Variants in POLD3 observed in about 807,000 individuals in gnomAD.
POLD3 encodes DNA polymerase delta subunit 3.
Under a neutral mutation model 58.2 loss-of-function variants are expected in POLD3, and 19 were observed. That is an observed-to-expected ratio of 0.33 (90% confidence interval 0.23 to 0.48). The LOEUF is 0.48. POLD3 is among the 20% of genes least tolerant of loss of function. The pLI is 0.99. For synonymous variants in POLD3, 172 were observed against 193.5 expected (o/e 0.89, Z 0.92); for missense variants, 504 against 545.5 (o/e 0.92, Z 0.76).
downstream of POLD3, among the ~76,000 whole-genome samples, chr11:74,644,768 T>C (rs1232736281): frequency 6.6e-6 from 1 of 152,254 alleles, no homozygotes; most frequent in Non-Finnish European, 1.5e-5. Flanking sequence ...TCCATGTTTC[T>C]TGAGGTTTCA....
chr11:74,627,018 G>A (rs987449649), intron 8 of POLD3, among the ~76,000 whole-genome samples: 11 of 152,104 alleles, frequency 7.2e-5, no homozygotes, highest in African/African-American at 2.7e-4. Flanking sequence ...TATAATTACT[G>A]CACTATACTT....
rs118079301 is a variant in POLD3 at position 74,624,309 on chromosome 11, A to G, written c.734-1099A>G. Among the ~76,000 whole-genome samples, 423 of 152,318 alleles carry G rather than the reference A, an allele frequency of 2.8e-3. 1 individual carries two copies. The highest frequency in any genetic ancestry group is 8.3e-3 in the South Asian group (40 of 4,822). Reference sequence around the variant, plus strand: ...ACAGTTGAAAATGCAAGAGTATGCCATCGTTGGGAAGGTGGATTCCACCAT... The same window carrying G: ...ACAGTTGAAAATGCAAGAGTATGCCGTCGTTGGGAAGGTGGATTCCACCAT... On this transcript the variant is annotated intron_variant, in intron 7 of 11. Transcript: ENST00000263681.
At chr11:74,629,859 A>G (rs945339278) in intron 9 of POLD3, among the ~76,000 whole-genome samples, 8 of 152,186 alleles carry the variant, frequency 5.3e-5, no homozygotes, top group Admixed American at 2.6e-4. Flanking sequence ...TTAAAAAAAT[A>G]TCAAGTATTT....
At chr11:74,655,973 A>T (rs1204349863) in intron 4 of POLD3, among the ~76,000 whole-genome samples, 1 of 152,248 alleles carries the variant, frequency 6.6e-6, no homozygotes, top group African/African-American at 2.4e-5. Context: ...TAATATGTGA[A>T]TTTAGTAACG....
At chr11:74,667,309 G>A (rs1209904602) in intron 4 of POLD3, among the ~76,000 whole-genome samples, 1 of 152,188 alleles carries the variant, frequency 6.6e-6, no homozygotes, top group Non-Finnish European at 1.5e-5. Flanking sequence ...GCCGAGGCGG[G>A]CAGATCACAA....
At chr11:74,593,000 C>G (rs2031090717) in intron 1 of POLD3, 3 of 1,327,878 alleles carry the variant, frequency 2.3e-6, no homozygotes, top group Non-Finnish European at 2.9e-6. Context: ...GGGCCGTTGG[C>G]TGAGAGTTCT....
chr11:74,595,189 T>TG (rs1554973226), intron 2 of POLD3: 98 of 138,182 alleles, frequency 7.1e-4, no homozygotes, highest in African/African-American at 2.6e-3. Context: ...TTTTTTTTTT[T>TG]GAGATGGGGT....
At chr11:74,667,591 T>A (rs2033288111) in intron 4 of POLD3, among the ~76,000 whole-genome samples, 1 of 151,008 alleles carries the variant, frequency 6.6e-6, no homozygotes, top group African/African-American at 2.5e-5. Context: ...TTAAATAAAA[T>A]TTAAAAATTT....
intron 8 of POLD3, among the ~76,000 whole-genome samples, chr11:74,626,752 C>T (rs191435789): frequency 9.2e-5 from 14 of 152,194 alleles, no homozygotes; most frequent in Non-Finnish European, 1.8e-4. Context: ...ATTACTCATG[C>T]GCTGCATAAC....
intron 10 of POLD3, 34 bp downstream of exon 10, chr11:74,634,729 C>A: frequency 8.2e-7 from 1 of 1,212,954 alleles, no homozygotes; most frequent in Non-Finnish European, 1.2e-6. Context: ...CATGTCCATG[C>A]ATCCTTTGTG....
intron 4 of POLD3, among the ~76,000 whole-genome samples, chr11:74,654,616 T>C (rs2033110095): frequency 6.6e-6 from 1 of 152,146 alleles, no homozygotes; most frequent in African/African-American, 2.4e-5. Context: ...GTAAAAATAG[T>C]GGGAGTCTGT....
chr11:74,615,711 G>A (rs1470400281), intron 5 of POLD3, among the ~76,000 whole-genome samples: 1 of 152,166 alleles, frequency 6.6e-6, no homozygotes, highest in Non-Finnish European at 1.5e-5. Flanking sequence ...AAATCCTGGG[G>A]AGGTGGTATG....
At chr11:74,593,962 A>G (rs1591282884) in intron 1 of POLD3, 99 bp from the exon 2 acceptor site, 1 of 690,454 alleles carries the variant, frequency 1.4e-6, no homozygotes, top group East Asian at 2.6e-5. Context: ...GTAAGGCATA[A>G]TCATCTAAGA....
chr11:74,640,452 A>T lies in POLD3; in HGVS notation c.1199-112A>T, dbSNP rs531464822. ...GAGAAAGATTGAGTCCTAAGTAAGCATATTTGCCTTGATCAGAGTCTGAAA... is the reference window on the plus strand; with the variant it reads ...GAGAAAGATTGAGTCCTAAGTAAGCTTATTTGCCTTGATCAGAGTCTGAAA... On this transcript the variant is annotated intron_variant, in intron 11 of 11. Transcript: ENST00000263681. The T allele has an allele frequency of 2.3e-5, 30 of 1,283,398 alleles. No individual in the cohort carries two copies. The African/African-American group carries it at 4.2e-4, about 18-fold the overall frequency. The allele number at this position is 1,283,398 out of a possible 1,614,324, so 79.5% of individuals were successfully genotyped here.
chr11:74,657,373 A>G (rs1175528574), intron 4 of POLD3, among the ~76,000 whole-genome samples: 1 of 150,646 alleles, frequency 6.6e-6, no homozygotes, highest in Non-Finnish European at 1.5e-5. Context: ...AGTGAAGGTA[A>G]TCTTCTCTGG....
intron 7 of POLD3, among the ~76,000 whole-genome samples, chr11:74,624,701 G>T (rs1292336055): frequency 2.6e-5 from 4 of 152,120 alleles, no homozygotes; most frequent in Non-Finnish European, 5.9e-5. Context: ...CTGCTGCACT[G>T]TAGTCATTCT....
chr11:74,647,352 T>C (rs1351626288), downstream of POLD3, among the ~76,000 whole-genome samples: 2 of 152,246 alleles, frequency 1.3e-5, no homozygotes, highest in Non-Finnish European at 2.9e-5. Context: ...CTCTTAGTTG[T>C]GTTCTATATG....
At chr11:74,593,994 C>T in intron 1 of POLD3, 67 bp from the exon 2 acceptor site, 1 of 812,332 alleles carries the variant, frequency 1.2e-6, no homozygotes, top group South Asian at 1.4e-5. Flanking sequence ...TAGCAACAGA[C>T]CTTCGGGACT....
intron 8 of POLD3, among the ~76,000 whole-genome samples, chr11:74,627,677 C>G (rs1429911508): frequency 6.6e-6 from 1 of 152,080 alleles, no homozygotes; most frequent in Admixed American, 6.6e-5. Context: ...AGTATTTTTA[C>G]TGTATCTTTT....
Sources: gnomAD v4.1 joint callset for allele counts (sites outside exome capture counted in the v4.1 genomes callset) on GRCh38, gnomAD v4.1.1 for gene constraint, MANE v1.5 for transcripts, NCBI Gene and HGNC (gene_info 2026-07-23, HGNC 2026-07-21) for gene names.